SPATA16: variants seen among roughly 807,000 people sequenced by gnomAD.
The protein encoded by SPATA16 is spermatogenesis associated 16, also known as spermatogenesis-associated protein 16.
In SPATA16, 36 loss-of-function variants were observed where a neutral mutation model predicts 63.3. The ratio of observed to expected loss-of-function variants is 0.57; its 90% CI spans 0.44 to 0.75. SPATA16 has a LOEUF of 0.75. Ranked by LOEUF, SPATA16 falls within the 30% of genes least tolerant of loss-of-function variation. SPATA16 has a pLI of 0.00. For synonymous variants in SPATA16, 203 were observed against 216.7 expected (o/e 0.94, Z 0.56); for missense variants, 646 against 679.3 (o/e 0.95, Z 0.54).
At chr3:173,064,431 G>A (rs1736465885) in intron 2 of SPATA16, among the ~76,000 whole-genome samples, 1 of 150,320 alleles carries the variant, frequency 6.7e-6, no homozygotes, top group Non-Finnish European at 1.5e-5. Context: ...TACATTTATA[G>A]CAGTATTAAG....
At chr3:172,899,394 G>A (rs1191799653) in intron 10 of SPATA16, among the ~76,000 whole-genome samples, 5 of 152,004 alleles carry the variant, frequency 3.3e-5, no homozygotes, top group Non-Finnish European at 7.4e-5. Flanking sequence ...ATCCCTCCCT[G>A]TCTCTGGTAA....
At chr3:172,942,276 T>C (rs918446525) in intron 6 of SPATA16, among the ~76,000 whole-genome samples, 8 of 152,060 alleles carry the variant, frequency 5.3e-5, no homozygotes, top group Admixed American at 5.2e-4. Flanking sequence ...ACTACATAAA[T>C]AAGTAATTAA....
intron 4 of SPATA16, among the ~76,000 whole-genome samples, chr3:173,011,721 G>T (rs1045284155): frequency 6.6e-6 from 1 of 152,162 alleles, no homozygotes; most frequent in African/African-American, 2.4e-5. Context: ...AAAGCTCCTA[G>T]AACTGATAAA....
At chr3:172,898,826 C>T (rs1033301464) in intron 10 of SPATA16, among the ~76,000 whole-genome samples, 1 of 151,376 alleles carries the variant, frequency 6.6e-6, no homozygotes, top group African/African-American at 2.4e-5. Flanking sequence ...ATAGCTTCTT[C>T]TTTTATAGTG....
chr3:172,942,630 C>T (rs1733183142), intron 6 of SPATA16, among the ~76,000 whole-genome samples: 2 of 151,854 alleles, frequency 1.3e-5, no homozygotes, highest in African/African-American at 2.4e-5. Flanking sequence ...TTACTGATGT[C>T]GAGTAGACAA....
chr3:173,054,702 G>A lies in SPATA16; in HGVS notation c.613-5608C>T, dbSNP rs181958058. Reference sequence around the variant, plus strand: ...GGTGCAGCAAACCACCATGGCACACGTGTACGTATGCAACAAACCTGTACG... The same window carrying A: ...GGTGCAGCAAACCACCATGGCACACATGTACGTATGCAACAAACCTGTACG... On this transcript the variant is annotated intron_variant, in intron 2 of 10. Coordinates refer to ENST00000351008, the MANE Select transcript of SPATA16 (RefSeq NM_031955.6). Among the ~76,000 whole-genome samples, 43 of 152,190 alleles carry A rather than the reference G, an allele frequency of 2.8e-4. 1 individual carries two copies. The highest frequency in any genetic ancestry group is 8.4e-4 in the African/African-American group (35 of 41,522).
intron 4 of SPATA16, among the ~76,000 whole-genome samples, chr3:172,985,726 G>T (rs1734438740): frequency 1.3e-5 from 2 of 152,080 alleles, no homozygotes; most frequent in South Asian, 4.2e-4. Flanking sequence ...TATTTGGTTG[G>T]GGAGCAGGGA....
At chr3:172,988,677 A>G (rs1259963569) in intron 4 of SPATA16, among the ~76,000 whole-genome samples, 2 of 152,210 alleles carry the variant, frequency 1.3e-5, no homozygotes, top group Non-Finnish European at 2.9e-5. Flanking sequence ...AGTTTCACTC[A>G]TATCACCTAG....
chr3:172,928,584 CTCT>C (rs1732793578), intron 6 of SPATA16, among the ~76,000 whole-genome samples: 1 of 152,118 alleles, frequency 6.6e-6, no homozygotes, highest in East Asian at 1.9e-4. Context: ...AATGGTTTAC[CTCT>C]TCTTGTCCTT....
chr3:172,990,222 T>A (rs564369326), intron 4 of SPATA16, among the ~76,000 whole-genome samples: 28 of 152,334 alleles, frequency 1.8e-4, no homozygotes, highest in African/African-American at 6.5e-4. Flanking sequence ...GTAAGCTCCA[T>A]AAGGGCAGGC....
chr3:172,895,585 G>T (rs996786705), intron 10 of SPATA16, among the ~76,000 whole-genome samples: 1 of 151,942 alleles, frequency 6.6e-6, no homozygotes, highest in Admixed American at 6.6e-5. Context: ...TTCTGCTTGC[G>T]TCAGCCTCCC....
intron 2 of SPATA16, among the ~76,000 whole-genome samples, chr3:173,081,048 C>T (rs1736911521): frequency 6.6e-6 from 1 of 152,166 alleles, no homozygotes; most frequent in South Asian, 2.1e-4. Flanking sequence ...TAAAGATGGC[C>T]TGTCTCTCCC....
At chr3:172,980,999 T>G (rs1734298201) in intron 4 of SPATA16, among the ~76,000 whole-genome samples, 1 of 152,204 alleles carries the variant, frequency 6.6e-6, no homozygotes, top group Non-Finnish European at 1.5e-5. Context: ...TCAGTACCAC[T>G]AATAGTTTCC....
chr3:172,928,172 G>A (rs1732784511), intron 6 of SPATA16, among the ~76,000 whole-genome samples: 1 of 152,162 alleles, frequency 6.6e-6, no homozygotes, highest in Non-Finnish European at 1.5e-5. Flanking sequence ...CCCTCCCAAA[G>A]TGTTGGGATT....
At chr3:173,080,047 A>G (rs1321810367) in intron 2 of SPATA16, among the ~76,000 whole-genome samples, 2 of 152,154 alleles carry the variant, frequency 1.3e-5, no homozygotes, top group African/African-American at 4.8e-5. Context: ...AGTACCAATA[A>G]TGTTTTTCTC....
intron 2 of SPATA16, among the ~76,000 whole-genome samples, chr3:173,106,951 A>G (rs1031363127): frequency 3.3e-5 from 5 of 152,210 alleles, no homozygotes; most frequent in African/African-American, 1.2e-4. Flanking sequence ...AGAATTAGAT[A>G]GGTTAATATA....
chr3:173,027,910 T>G (rs1265862482), intron 3 of SPATA16, among the ~76,000 whole-genome samples: 1 of 151,528 alleles, frequency 6.6e-6, no homozygotes, highest in Non-Finnish European at 1.5e-5. Flanking sequence ...CTGCTATCAC[T>G]ACCCCAGGTA....
chr3:173,084,956 C>T (rs1247779095), intron 2 of SPATA16, among the ~76,000 whole-genome samples: 1 of 152,092 alleles, frequency 6.6e-6, no homozygotes, highest in Non-Finnish European at 1.5e-5. Flanking sequence ...TAGCGTGATG[C>T]CTCCAACTTT....
At chr3:173,101,231 G>T (rs1737487039) in intron 2 of SPATA16, among the ~76,000 whole-genome samples, 1 of 152,090 alleles carries the variant, frequency 6.6e-6, no homozygotes, top group Non-Finnish European at 1.5e-5. Context: ...GATAATACTT[G>T]CTGCCCCAAG....
Sources: gnomAD v4.1 joint callset for allele counts (sites outside exome capture counted in the v4.1 genomes callset) on GRCh38, gnomAD v4.1.1 for gene constraint, MANE v1.5 for transcripts, NCBI Gene and HGNC (gene_info 2026-07-23, HGNC 2026-07-21) for gene names.